Variants in RNF4 observed in about 807,000 individuals in gnomAD.
The protein encoded by RNF4 is E3 ubiquitin-protein ligase RNF4.
A neutral mutation model predicts 24.3 loss-of-function variants in RNF4; 7 were observed. The ratio of observed to expected loss-of-function variants is 0.29; its 90% CI spans 0.16 to 0.54. The LOEUF is 0.54. RNF4 is among the 20% of genes least tolerant of loss of function. The pLI is 0.95. For synonymous variants in RNF4, 83 were observed against 84.3 expected, an observed-to-expected ratio of 0.98 and a Z score of 0.09; for missense variants, 209 against 248.5, an observed-to-expected ratio of 0.84 and a Z score of 1.07.
At chr4:2,497,992 C>G (rs951961759) in intron 3 of RNF4, among the ~76,000 whole-genome samples, 3 of 152,068 alleles carry the variant, frequency 2.0e-5, no homozygotes, top group Admixed American at 1.3e-4. Context: ...CATGGGCCCC[C>G]CAGGAGAAAT....
At chr4:2,504,051 C>T (rs1481827097) in intron 4 of RNF4, among the ~76,000 whole-genome samples, 1 of 152,028 alleles carries the variant, frequency 6.6e-6, no homozygotes, top group Non-Finnish European at 1.5e-5. Context: ...ACCCTGTCTT[C>T]TTCAAAAAAG....
intron 1 of RNF4, among the ~76,000 whole-genome samples, chr4:2,479,339 A>G (rs888420543): frequency 6.6e-6 from 1 of 152,114 alleles, no homozygotes; most frequent in Admixed American, 6.6e-5. Context: ...GGAAGGCATG[A>G]TTTATTTTAA....
chr4:2,490,390 G>T lies in RNF4; in HGVS notation c.-104G>T. ...ATCCAAATTATTTTGCAAGCCAGAT[G>T]AGTAACCAGAGGGCATGAAAGGTTG... On this transcript the variant is annotated 5_prime_UTR_variant, in exon 2 of 8. It removes an upstream start codon present in the reference 5' UTR. Transcript: ENST00000314289. 1.8e-6 allele frequency: 2 copies of T among 1,136,338 alleles called. No homozygotes were observed. The highest frequency in any genetic ancestry group is 1.4e-5 in the South Asian group (1 of 72,806). The allele number at this position is 1,136,338 out of a possible 1,614,324, so 70.4% of individuals were successfully genotyped here. A position where few individuals can be genotyped will look rare whatever the true frequency, so the allele number is the denominator to read the frequency against.
At position 2,515,555 on chromosome 4, in the gene RNF4, TG is replaced by T. The variant is rs113093233; in HGVS notation, c.*1738del. ...TTGGAGTCAGTCCACTCATAAAATA[TG>T]GTAACACCCATTTTAAAATTTAAGT... On this transcript the variant is annotated 3_prime_UTR_variant, in exon 8 of 8. Transcript: ENST00000314289. 6.6e-6 allele frequency: 1 copy of T among 152,442 alleles called. No individual in the cohort carries two copies. The highest frequency in any genetic ancestry group is 2.4e-5 in the African/African-American group (1 of 41,588). 9.4% of individuals were successfully genotyped at this position (152,442 alleles called of 1,614,324 possible). A position where few individuals can be genotyped will look rare whatever the true frequency, so the allele number is the denominator to read the frequency against.
intron 1 of RNF4, among the ~76,000 whole-genome samples, chr4:2,473,781 A>T (rs544300280): frequency 2.5e-4 from 38 of 152,188 alleles, no homozygotes; most frequent in African/African-American, 8.2e-4. Flanking sequence ...ACTGCACTCC[A>T]GCCTGGGCGA....
intron 1 of RNF4, among the ~76,000 whole-genome samples, chr4:2,481,581 G>A (rs751091325): frequency 7.9e-5 from 12 of 152,218 alleles, no homozygotes; most frequent in East Asian, 3.9e-4. Flanking sequence ...ACCTTGTGGC[G>A]CTTTTCAGTT....
At chr4:2,493,885 A>C (rs1181257503) in intron 2 of RNF4, among the ~76,000 whole-genome samples, 3 of 151,738 alleles carry the variant, frequency 2.0e-5, no homozygotes, top group Non-Finnish European at 2.9e-5. Flanking sequence ...TCTGTCGCCC[A>C]GGCTGGAGTG....
At chr4:2,498,256 T>G (rs922680914) in intron 3 of RNF4, among the ~76,000 whole-genome samples, 4 of 152,126 alleles carry the variant, frequency 2.6e-5, no homozygotes, top group African/African-American at 9.7e-5. Context: ...TGATCTCGGC[T>G]CACTGCAACC....
chr4:2,501,103 T>G (rs1046291280), intron 4 of RNF4, among the ~76,000 whole-genome samples: 5 of 152,222 alleles, frequency 3.3e-5, no homozygotes, highest in African/African-American at 1.2e-4. Flanking sequence ...TTCCACAGTT[T>G]ACACCAGCTG....
At chr4:2,488,540 G>C (rs1003205966) in intron 1 of RNF4, among the ~76,000 whole-genome samples, 1 of 152,188 alleles carries the variant, frequency 6.6e-6, no homozygotes, top group Admixed American at 6.5e-5. Flanking sequence ...GTTGGAGCTG[G>C]TCACTGGGAA....
chr4:2,485,108 G>A (rs1298010455), intron 1 of RNF4, among the ~76,000 whole-genome samples: 1 of 152,062 alleles, frequency 6.6e-6, no homozygotes, highest in South Asian at 2.1e-4. Flanking sequence ...GTCACTTGAG[G>A]CCCCATTCAG....
At chr4:2,506,208 G>C (rs919827923) in intron 4 of RNF4, 1 of 152,158 alleles carries the variant, frequency 6.6e-6, no homozygotes, top group African/African-American at 2.4e-5. Context: ...CCCTGAGACA[G>C]AGTCTCGCTC....
In RNF4 at chr4:2,512,613, C is replaced by G. The variant is rs575726119; in HGVS notation, c.374+16C>G. The stretch of plus-strand genomic sequence containing the variant: ...CAGGCCTCAGGTACCAACGTGCCCC[C>G]AGCTCTGCTGCCGCCATGCTAGGAT... On this transcript the variant is annotated intron_variant, in intron 6 of 7. Transcript: ENST00000314289. The surrounding 1 kb of genome is among the most constrained non-coding windows in gnomAD (Gnocchi z 4.1). 14 of 1,612,730 alleles carry G rather than the reference C, an allele frequency of 8.7e-6. No homozygotes were observed. In the African/African-American group the frequency reaches 1.6e-4, roughly 18 times the overall value.
At chr4:2,494,424 T>C (rs1324265917) in intron 2 of RNF4, 3 of 146,462 alleles carry the variant, frequency 2.0e-5, no homozygotes, top group Non-Finnish European at 4.5e-5. Flanking sequence ...TCGCCCAGGC[T>C]GGAGTGCAGT....
chr4:2,498,777 CA>C (rs1735818055), intron 3 of RNF4, among the ~76,000 whole-genome samples: 1 of 151,914 alleles, frequency 6.6e-6, no homozygotes, highest in African/African-American at 2.4e-5. Context: ...AAAAATTAGC[CA>C]AGTGTGGGAG....
chr4:2,491,589 C>T (rs145461079), intron 2 of RNF4, among the ~76,000 whole-genome samples: 73 of 152,168 alleles, frequency 4.8e-4, no homozygotes, highest in Admixed American at 2.2e-3. Flanking sequence ...ATTACAGGCA[C>T]CTACCACCAC....
At chr4:2,474,381 CAA>C (rs35982596) in intron 1 of RNF4, among the ~76,000 whole-genome samples, 1,206 of 105,276 alleles carry the variant, frequency 0.011, 9 homozygotes, top group African/African-American at 0.033. Flanking sequence ...GACTCTGTCT[CAA>C]AAAAAAAAAA....
Position 2,514,076 on chromosome 4 carries a change from G to A in RNF4, c.*257G>A, listed in dbSNP as rs773353301. The A allele has an allele frequency of 1.1e-4, 47 of 439,106 alleles. No homozygotes were observed. The highest frequency in any genetic ancestry group is 3.9e-4 in the African/African-American group (20 of 51,352). The allele number at this position is 439,106 out of a possible 1,614,324, so 27.2% of individuals were successfully genotyped here. On this transcript the variant is annotated 3_prime_UTR_variant, in exon 8 of 8. Coordinates refer to ENST00000314289, the MANE Select transcript of RNF4 (RefSeq NM_002938.5). Reference sequence around the variant, plus strand: ...TAGAGTGGGAGAAAGGGAGTCAGGCGCATTGGGAATCGTGGTTCCAGTCTG... The same window carrying A: ...TAGAGTGGGAGAAAGGGAGTCAGGCACATTGGGAATCGTGGTTCCAGTCTG...
intron 2 of RNF4, among the ~76,000 whole-genome samples, chr4:2,496,695 A>G (rs1365299974): frequency 6.6e-6 from 1 of 151,986 alleles, no homozygotes; most frequent in East Asian, 1.9e-4. Context: ...TCCTCACCTC[A>G]TGATTCGCCC....
Sources: gnomAD v4.1 joint callset for allele counts (sites outside exome capture counted in the v4.1 genomes callset) on GRCh38, gnomAD v4.1.1 for gene constraint, Gnocchi (gnomAD v3.1) non-coding constraint, MANE v1.5 for transcripts, NCBI Gene and HGNC (gene_info 2026-07-23, HGNC 2026-07-21) for gene names.